The following RGS5 variants were observed in gnomAD, a reference collection of about 807,000 sequenced individuals.
RGS5 encodes the protein regulator of G-protein signalling 5.
In RGS5, 20 loss-of-function variants were observed where a neutral mutation model predicts 18.9. That is an observed-to-expected ratio of 1.06 (90% confidence interval 0.74 to 1.54). The LOEUF (loss-of-function observed/expected upper bound fraction) is 1.54. Ranked by LOEUF, RGS5 falls within the 40% of genes most tolerant of loss-of-function variation. The pLI is 0.00. For missense variants in RGS5, 201 were observed against 211.8 expected, an observed-to-expected ratio of 0.95 and a Z score of 0.32; for synonymous variants, 57 against 76.2, an observed-to-expected ratio of 0.75 and a Z score of 1.31.
rs144986194 is a variant in RGS5, at chr1:163,299,662, C to G, written c.-281+6571G>C. Among the ~76,000 whole-genome samples, 632 of 152,258 alleles carry G rather than the reference C, an allele frequency of 4.2e-3. 3 individuals are homozygous for G. Among genetic ancestry groups the G allele is most frequent in the African/African-American group, 0.014 (585 of 41,538 alleles). On this transcript the variant is annotated intron_variant, in intron 2 of 5. Transcript: ENST00000618415. Reference sequence around the variant, plus strand: ...CTTTGTGTTGATGACAACTCGAAAACAAACACTGGGATATTTTCTCATGGA... The same window carrying G: ...CTTTGTGTTGATGACAACTCGAAAAGAAACACTGGGATATTTTCTCATGGA...
At chr1:163,296,136 T>C (rs1649414061) in intron 2 of RGS5, among the ~76,000 whole-genome samples, 1 of 152,204 alleles carries the variant, frequency 6.6e-6, no homozygotes, top group Admixed American at 6.5e-5. Context: ...ATTGCTACAC[T>C]TATGTAAATA....
At chr1:163,166,030 G>A (rs1459108226) in intron 2 of RGS5, among the ~76,000 whole-genome samples, 1 of 152,154 alleles carries the variant, frequency 6.6e-6, no homozygotes, top group Non-Finnish European at 1.5e-5. Context: ...TGGTTAAGAA[G>A]GAGATACAGA....
At chr1:163,157,073 G>A (rs564448967) in intron 3 of RGS5, among the ~76,000 whole-genome samples, 1 of 152,096 alleles carries the variant, frequency 6.6e-6, no homozygotes, top group Admixed American at 6.6e-5. Flanking sequence ...AGATGTGTCT[G>A]GATTCAGGCT....
At chr1:163,277,129 C>G (rs758536181) in intron 2 of RGS5, among the ~76,000 whole-genome samples, 3 of 152,168 alleles carry the variant, frequency 2.0e-5, no homozygotes, top group South Asian at 2.1e-4. Context: ...ACAGACATTC[C>G]TTTCTATTGA....
At chr1:163,273,123 A>G (rs974395027) in intron 2 of RGS5, among the ~76,000 whole-genome samples, 2 of 152,150 alleles carry the variant, frequency 1.3e-5, no homozygotes, top group African/African-American at 4.8e-5. Context: ...TTCTTCAAAA[A>G]AAATGCATTG....
chr1:163,197,300 T>C (rs1321721834), intron 1 of RGS5, among the ~76,000 whole-genome samples: 3 of 152,070 alleles, frequency 2.0e-5, no homozygotes, highest in African/African-American at 7.2e-5. Flanking sequence ...GCCTTCCTTC[T>C]CTCTCCTCTT....
chr1:163,152,709 A>T lies in RGS5; in HGVS notation c.225T>A (p.Leu75=). Residue 75 remains leucine (L), a synonymous_variant, in exon 4 of 5, where the codon CTT becomes CTA. Transcript: ENST00000313961. ...ACTTCAGGAAACTTTTGAAACTGGC[A>T]AGTCCATCTGGAAAGAAAAAAACAG... ...LDKLLQNNYG[L]ASFKSFLKSE... is the part of the protein sequence containing the mutation. 2 of 1,589,232 alleles carry T rather than the reference A, an allele frequency of 1.3e-6. No individual in the cohort carries two copies. The highest frequency in any genetic ancestry group is 1.7e-6 in the Non-Finnish European group (2 of 1,171,032).
Position 163,142,596 on chromosome 1 carries a change from A to C in RGS5, c.*4746T>G, listed in dbSNP as rs890135827. ...CAAATCCTGACACTATATGACATAAAAAGAACTTTTGGCAAATATTTATTC... is the reference window on the plus strand; with the variant it reads ...CAAATCCTGACACTATATGACATAACAAGAACTTTTGGCAAATATTTATTC... On this transcript the variant is annotated 3_prime_UTR_variant, in exon 5 of 5. Transcript: ENST00000313961. The C allele has an allele frequency of 6.6e-6, 1 of 152,184 alleles. No individual in the cohort carries two copies. The highest frequency in any genetic ancestry group is 1.5e-5 in the Non-Finnish European group (1 of 68,032). The allele number at this position is 152,184 out of a possible 1,614,324, so 9.4% of individuals were successfully genotyped here.
At chr1:163,171,548 C>T (rs558280233) in intron 1 of RGS5, among the ~76,000 whole-genome samples, 1 of 152,168 alleles carries the variant, frequency 6.6e-6, no homozygotes, top group Non-Finnish European at 1.5e-5. Flanking sequence ...TTGGTTTTAA[C>T]TTTATCCCCC....
chr1:163,246,360 G>C (rs1398953603), intron 2 of RGS5, among the ~76,000 whole-genome samples: 1 of 151,802 alleles, frequency 6.6e-6, no homozygotes, highest in African/African-American at 2.4e-5. Context: ...CACGAGGTCA[G>C]GAGTTTGAGA....
intron 4 of RGS5, among the ~76,000 whole-genome samples, chr1:163,151,427 T>G (rs1387982061): frequency 1.3e-5 from 2 of 152,140 alleles, no homozygotes; most frequent in Admixed American, 6.5e-5. Flanking sequence ...AAATACTCAT[T>G]AGGCATTAAT....
At chr1:163,208,323 G>T (rs1235486267) in intron 1 of RGS5, among the ~76,000 whole-genome samples, 10 of 114,640 alleles carry the variant, frequency 8.7e-5, no homozygotes, top group African/African-American at 3.3e-4. Flanking sequence ...ACTCCAGCCT[G>T]AGCGACAGAG....
chr1:163,219,147 T>C (rs1281595965), upstream of RGS5, among the ~76,000 whole-genome samples: 1 of 152,102 alleles, frequency 6.6e-6, no homozygotes, highest in Non-Finnish European at 1.5e-5. Context: ...CAAAAAAGTA[T>C]TACAAGTGGA....
At chr1:163,311,466 CT>C (rs1649860442) in intron 1 of RGS5, among the ~76,000 whole-genome samples, 2 of 152,302 alleles carry the variant, frequency 1.3e-5, no homozygotes, top group African/African-American at 4.8e-5. Context: ...TTTTGATATG[CT>C]TTTCTCACTA....
At chr1:163,262,881 T>A (rs987686410) in intron 2 of RGS5, among the ~76,000 whole-genome samples, 8 of 152,196 alleles carry the variant, frequency 5.3e-5, no homozygotes, top group Non-Finnish European at 8.8e-5. Flanking sequence ...AAGTTCTTTC[T>A]GACCCTAGGG....
At chr1:163,152,947 T>C (rs1270393722) in intron 3 of RGS5, among the ~76,000 whole-genome samples, 1 of 134,498 alleles carries the variant, frequency 7.4e-6, no homozygotes, top group Non-Finnish European at 1.6e-5. Flanking sequence ...TGCAGAGCTG[T>C]ATGGAACTCT....
intron 1 of RGS5, among the ~76,000 whole-genome samples, chr1:163,176,013 T>G (rs1196992648): frequency 6.6e-6 from 1 of 152,202 alleles, no homozygotes; most frequent in East Asian, 1.9e-4. Context: ...AATTACATAA[T>G]AAGCCCCTTC....
chr1:163,253,800 C>G (rs1158555820), intron 2 of RGS5, among the ~76,000 whole-genome samples: 5 of 148,700 alleles, frequency 3.4e-5, no homozygotes, highest in Admixed American at 1.3e-4. Context: ...TCCCTCCCCC[C>G]TCCCCACACC....
At chr1:163,148,312 G>A (rs544219424) in intron 4 of RGS5, among the ~76,000 whole-genome samples, 98 of 152,098 alleles carry the variant, frequency 6.4e-4, no homozygotes, top group Non-Finnish European at 1.1e-3. Context: ...ATTCTGTCTG[G>A]GGATCCAGGA....
Sources: gnomAD v4.1 joint callset for allele counts (sites outside exome capture counted in the v4.1 genomes callset) on GRCh38, gnomAD v4.1.1 for gene constraint, MANE v1.5 for transcripts, NCBI Gene and HGNC (gene_info 2026-07-23, HGNC 2026-07-21) for gene names.